RMDN2: variants seen among roughly 807,000 people sequenced by gnomAD.
RMDN2 encodes the protein regulator of microtubule dynamics protein 2.
In RMDN2, 61 loss-of-function variants were observed where a neutral mutation model predicts 52.8. The observed-to-expected ratio is 1.16, with a 90% CI of 0.94 to 1.43. The LOEUF is 1.43. Ranked by LOEUF, RMDN2 falls within the 40% of genes most tolerant of loss-of-function variation. The pLI is 0.00. For missense variants in RMDN2, 592 were observed against 475.3 expected, an observed-to-expected ratio of 1.25 and a Z score of -2.28; for synonymous variants, 180 against 153.1, an observed-to-expected ratio of 1.18 and a Z score of -1.30.
At chr2:37,980,361 T>A (rs926012504) in intron 4 of RMDN2, among the ~76,000 whole-genome samples, 4 of 152,302 alleles carry the variant, frequency 2.6e-5, no homozygotes, top group African/African-American at 9.6e-5. Context: ...TGGAGTGCAA[T>A]GGCGCAATCT....
intron 10 of RMDN2, among the ~76,000 whole-genome samples, chr2:38,025,703 G>C (rs1046860837): frequency 2.6e-5 from 4 of 151,810 alleles, no homozygotes; most frequent in Non-Finnish European, 5.9e-5. Context: ...TGTCACACTT[G>C]TGTTCATTGA....
chr2:37,951,983 C>G, intron 2 of RMDN2: 1 of 1,613,396 alleles, frequency 6.2e-7, no homozygotes, highest in Non-Finnish European at 8.5e-7. Flanking sequence ...CTGAAAGTTA[C>G]AGCACAGATC....
At chr2:37,980,934 C>A (rs967448804) in intron 4 of RMDN2, among the ~76,000 whole-genome samples, 18 of 152,172 alleles carry the variant, frequency 1.2e-4, no homozygotes, top group Non-Finnish European at 4.4e-5. Flanking sequence ...AGTAGGTACT[C>A]AGTAAATGTT....
intron 4 of RMDN2, among the ~76,000 whole-genome samples, chr2:37,976,569 G>A (rs1407879909): frequency 1.3e-5 from 2 of 152,150 alleles, no homozygotes; most frequent in Non-Finnish European, 2.9e-5. Flanking sequence ...AATGACCTCT[G>A]TGCTTTCGTT....
chr2:38,032,100 G>C (rs1680252162), intron 10 of RMDN2, among the ~76,000 whole-genome samples: 1 of 152,050 alleles, frequency 6.6e-6, no homozygotes, highest in South Asian at 2.1e-4. Flanking sequence ...ACTTTATTGA[G>C]GTATAAATTA....
At chr2:37,944,491 C>T (rs947520957) in intron 2 of RMDN2, among the ~76,000 whole-genome samples, 1 of 152,168 alleles carries the variant, frequency 6.6e-6, no homozygotes, top group Non-Finnish European at 1.5e-5. Context: ...ATTAGGCCCA[C>T]AGGGTGTAGT....
chr2:37,974,736 C>G (rs1434167947), intron 3 of RMDN2: 2 of 155,170 alleles, frequency 1.3e-5, no homozygotes, highest in Non-Finnish European at 2.8e-5. Context: ...TTTAGCAACT[C>G]TAAACACATT....
rs115977900 is a variant in RMDN2 at position 38,050,919 on chromosome 2, G to A, written c.1714-16063G>A. Among the ~76,000 whole-genome samples, 937 of 152,142 alleles carry A rather than the reference G, an allele frequency of 6.2e-3. 7 individuals are homozygous for A. The highest frequency in any genetic ancestry group is 0.027 in the Middle Eastern group (8 of 294). On this transcript the variant is annotated intron_variant, in intron 10 of 10. Transcript: ENST00000234195. ...TGGGATTACAGCTGTGCATTACTAC[G>A]CCCGGCTAATTTTTTGTGTTTTTAG...
chr2:38,015,150 C>T (rs1678571056), intron 10 of RMDN2, among the ~76,000 whole-genome samples: 2 of 152,200 alleles, frequency 1.3e-5, no homozygotes, highest in Non-Finnish European at 2.9e-5. Flanking sequence ...CCAGTATCAT[C>T]GTGGTCTCAA....
chr2:38,010,200 C>A (rs1010177722), intron 10 of RMDN2, among the ~76,000 whole-genome samples: 18 of 152,190 alleles, frequency 1.2e-4, no homozygotes, highest in Non-Finnish European at 1.8e-4. Context: ...CTCAGATCTC[C>A]AGCTGCGTGC....
upstream of RMDN2, chr2:37,923,374 C>T (rs1334142789): frequency 3.9e-5 from 6 of 152,166 alleles, no homozygotes; most frequent in African/African-American, 1.2e-4. Flanking sequence ...ACTGGTAAGG[C>T]CTTGTTCACA....
intron 2 of RMDN2, among the ~76,000 whole-genome samples, chr2:37,948,011 C>T (rs1668366753): frequency 6.6e-6 from 1 of 152,162 alleles, no homozygotes; most frequent in Admixed American, 6.5e-5. Flanking sequence ...AGATAGGCAG[C>T]TGCTGTGAGG....
downstream of RMDN2, among the ~76,000 whole-genome samples, chr2:38,021,172 A>G (rs1431166983): frequency 6.6e-6 from 1 of 152,186 alleles, no homozygotes; most frequent in Non-Finnish European, 1.5e-5. Context: ...CACACTCTGT[A>G]TCTAGCTAAT....
rs144657260 is a variant in RMDN2, at chr2:37,993,057, C to G, written c.945+1760C>G. ...AGCCTCCCGAGTAGCTGGGATTACA[C>G]GCGTGTGCCACCACGCTCGGGTATT... On this transcript the variant is annotated intron_variant, in intron 7 of 10. Transcript: ENST00000354545. Among the ~76,000 whole-genome samples the G allele has an allele frequency of 1.6e-3, 245 of 152,166 alleles. 1 individual carries two copies. Among genetic ancestry groups the G allele is most frequent in the African/African-American group, 5.7e-3 (236 of 41,544 alleles).
At chr2:37,993,184 C>G (rs932135472) in intron 7 of RMDN2, among the ~76,000 whole-genome samples, 1 of 152,178 alleles carries the variant, frequency 6.6e-6, no homozygotes, top group Non-Finnish European at 1.5e-5. Context: ...CTCGGCCTCC[C>G]AAAATGCTGG....
chr2:38,017,613 GA>G lies in RMDN2; in HGVS notation c.*379del. On this transcript the variant is annotated 3_prime_UTR_variant, in exon 11 of 11. Transcript: ENST00000354545. ...ACAAAATAATTTCATTAATGTGGAT[GA>G]AAAATGGAAAACTCAGCAAAGGACA... The G allele has an allele frequency of 3.3e-6, 4 of 1,212,418 alleles. No individual in the cohort carries two copies. The highest frequency in any genetic ancestry group is 4.3e-6 in the Non-Finnish European group (4 of 922,658). 75.1% of individuals were successfully genotyped at this position (1,212,418 alleles called of 1,614,324 possible).
intron 10 of RMDN2, among the ~76,000 whole-genome samples, chr2:38,057,715 G>A (rs1681899274): frequency 6.6e-6 from 1 of 152,170 alleles, no homozygotes; most frequent in Non-Finnish European, 1.5e-5. Context: ...GAATGGTTCA[G>A]TACCATCCCC....
intron 10 of RMDN2, among the ~76,000 whole-genome samples, chr2:38,044,218 A>G (rs1681132003): frequency 6.6e-6 from 1 of 151,728 alleles, no homozygotes; most frequent in African/African-American, 2.4e-5. Context: ...AATATTTTAC[A>G]CTCTTCTTCC....
At chr2:38,008,023 A>C (rs1173843680) in intron 10 of RMDN2, among the ~76,000 whole-genome samples, 1 of 152,012 alleles carries the variant, frequency 6.6e-6, no homozygotes, top group Non-Finnish European at 1.5e-5. Flanking sequence ...GTTTTGAGTG[A>C]GTTTCTTAAT....
Sources: allele counts gnomAD v4.1 joint callset (sites outside exome capture counted in the v4.1 genomes callset), GRCh38; gene constraint gnomAD v4.1.1; transcripts MANE v1.5; gene names NCBI Gene and HGNC (gene_info 2026-07-23, HGNC 2026-07-21).